The following RBFOX1 variants were observed in gnomAD, a reference collection of about 807,000 sequenced individuals.
RBFOX1 encodes the protein RNA binding protein fox-1 homolog 1.
In RBFOX1, 8 loss-of-function variants were observed where a neutral mutation model predicts 57.7. The observed-to-expected ratio is 0.14, with a 90% CI of 0.08 to 0.25. The LOEUF (loss-of-function observed/expected upper bound fraction) is 0.25. RBFOX1 is among the 10% of genes least tolerant of loss of function. RBFOX1 has a pLI of 1.00. For synonymous variants in RBFOX1, 326 were observed against 222.4 expected (o/e 1.47, Z -4.15); for missense variants, 611 against 548.5 (o/e 1.11, Z -1.14).
intron 10 of RBFOX1, among the ~76,000 whole-genome samples, chr16:7,622,179 C>G (rs1483433583): frequency 1.3e-5 from 2 of 152,110 alleles, no homozygotes; most frequent in East Asian, 3.9e-4. Context: ...GTCCAGGAAT[C>G]TGGTTGGTAT....
intron 3 of RBFOX1, among the ~76,000 whole-genome samples, chr16:5,606,999 T>G (rs767689843): frequency 5.9e-5 from 9 of 151,962 alleles, no homozygotes; most frequent in Non-Finnish European, 1.3e-4. Flanking sequence ...CTGGTGATTG[T>G]CTGGATCCAA....
intron 1 of RBFOX1, among the ~76,000 whole-genome samples, chr16:5,354,079 A>AG (rs1555498263): frequency 6.6e-6 from 1 of 151,944 alleles, no homozygotes; most frequent in Non-Finnish European, 1.5e-5. Context: ...GCCAGTCTCC[A>AG]CCGGCCCCTT....
intron 4 of RBFOX1, among the ~76,000 whole-genome samples, chr16:7,325,882 C>G (rs1203787679): frequency 6.6e-6 from 1 of 152,140 alleles, no homozygotes; most frequent in Non-Finnish European, 1.5e-5. Flanking sequence ...CTAGGTAATG[C>G]TTTTCCATGT....
In RBFOX1 at chr16:7,646,537, G is replaced by A. The variant is rs532242065; in HGVS notation, c.758-7278G>A. ...GTGTCATTATGGAGCAAAGGGAGAG[G>A]AGGAGCAGGACAAAGAGAGCCCCCC... On this transcript the variant is annotated intron_variant, in intron 11 of 15. Coordinates refer to ENST00000550418, the MANE Select transcript of RBFOX1 (RefSeq NM_018723.4). Among the ~76,000 whole-genome samples the A allele has an allele frequency of 2.0e-5, 3 of 152,318 alleles. No homozygotes were observed. In the South Asian group the frequency reaches 6.2e-4, roughly 32 times the overall value.
intron 4 of RBFOX1, among the ~76,000 whole-genome samples, chr16:7,490,021 A>G (rs1407238731): frequency 1.3e-5 from 2 of 152,178 alleles, no homozygotes; most frequent in South Asian, 2.1e-4. Context: ...ACAGAAAGGT[A>G]GACCTGTGTC....
At chr16:6,842,544 T>C (rs2093535793) in intron 3 of RBFOX1, among the ~76,000 whole-genome samples, 2 of 152,132 alleles carry the variant, frequency 1.3e-5, no homozygotes, top group East Asian at 1.9e-4. Flanking sequence ...TGAATATCTG[T>C]ATCAACTTTT....
chr16:5,866,408 G>C (rs919163729), intron 3 of RBFOX1, among the ~76,000 whole-genome samples: 2 of 152,130 alleles, frequency 1.3e-5, no homozygotes, highest in East Asian at 1.9e-4. Flanking sequence ...ATGAATTTTG[G>C]GGACATAGCT....
At chr16:5,909,519 A>C (rs1448162151) in intron 4 of RBFOX1, among the ~76,000 whole-genome samples, 1 of 152,224 alleles carries the variant, frequency 6.6e-6, no homozygotes, top group South Asian at 2.1e-4. Context: ...TCCACCATCA[A>C]CTTTGACAGG....
intron 1 of RBFOX1, among the ~76,000 whole-genome samples, chr16:6,286,023 C>T (rs917477820): frequency 1.6e-4 from 24 of 152,096 alleles, no homozygotes; most frequent in Non-Finnish European, 3.1e-4. Flanking sequence ...AGGCAGGTGA[C>T]GAGGCTGCAT....
chr16:6,830,974 G>T (rs2092665829), intron 3 of RBFOX1, among the ~76,000 whole-genome samples: 1 of 152,182 alleles, frequency 6.6e-6, no homozygotes. Flanking sequence ...GATATGTAAA[G>T]TTCTCCAAAT....
At chr16:5,392,772 C>A (rs918231395) in intron 1 of RBFOX1, among the ~76,000 whole-genome samples, 3 of 152,094 alleles carry the variant, frequency 2.0e-5, no homozygotes, top group East Asian at 1.9e-4. Flanking sequence ...CTGCCCTCTG[C>A]CATCCCTGGG....
intron 1 of RBFOX1, among the ~76,000 whole-genome samples, chr16:5,355,644 C>T (rs548020713): frequency 2.0e-5 from 3 of 152,214 alleles, no homozygotes; most frequent in African/African-American, 4.8e-5. Flanking sequence ...GGTTGAGGAG[C>T]GTCTCCTCCA....
chr16:5,317,361 C>T (rs1254042765), intron 1 of RBFOX1, among the ~76,000 whole-genome samples: 8 of 152,308 alleles, frequency 5.3e-5, no homozygotes, highest in African/African-American at 1.7e-4. Context: ...GTAATCCCAG[C>T]AGTTTAGGAG....
At chr16:7,330,343 A>G (rs2096668140) in intron 4 of RBFOX1, among the ~76,000 whole-genome samples, 1 of 150,486 alleles carries the variant, frequency 6.6e-6, no homozygotes, top group Non-Finnish European at 1.5e-5. Flanking sequence ...TTAGGAAATA[A>G]TGACAAGAAC....
intron 4 of RBFOX1, among the ~76,000 whole-genome samples, chr16:7,423,255 G>A (rs1458959565): frequency 3.3e-5 from 5 of 152,112 alleles, no homozygotes; most frequent in African/African-American, 1.2e-4. Flanking sequence ...CCCCATTTCA[G>A]CTGCTGTGTG....
At chr16:7,476,022 G>A (rs1252469751) in intron 4 of RBFOX1, among the ~76,000 whole-genome samples, 2 of 151,996 alleles carry the variant, frequency 1.3e-5, no homozygotes, top group African/African-American at 2.4e-5. Flanking sequence ...CTGGAGTGCA[G>A]TAGTTCGATC....
At chr16:7,171,449 T>C (rs558869162) in intron 4 of RBFOX1, among the ~76,000 whole-genome samples, 141 of 152,350 alleles carry the variant, frequency 9.3e-4, no homozygotes, top group African/African-American at 3.3e-3. Flanking sequence ...GCTTTATGTA[T>C]GTGTGCTTTT....
chr16:7,652,669 G>A (rs936948595), intron 11 of RBFOX1, among the ~76,000 whole-genome samples: 1 of 152,194 alleles, frequency 6.6e-6, no homozygotes, highest in Non-Finnish European at 1.5e-5. Context: ...GCCTCCCAAA[G>A]TGCTGGGATT....
At chr16:6,870,535 C>T (rs538384631) in intron 3 of RBFOX1, among the ~76,000 whole-genome samples, 1 of 152,176 alleles carries the variant, frequency 6.6e-6, no homozygotes, top group East Asian at 1.9e-4. Flanking sequence ...GTGGAACATA[C>T]TGGATCACCT....
Sources: gnomAD v4.1 joint callset for allele counts (sites outside exome capture counted in the v4.1 genomes callset) on GRCh38, gnomAD v4.1.1 for gene constraint, MANE v1.5 for transcripts, NCBI Gene and HGNC (gene_info 2026-07-23, HGNC 2026-07-21) for gene names.